The following DENND3 variants were observed in gnomAD, a reference collection of about 807,000 sequenced individuals.
The protein encoded by DENND3 is DENN domain containing 3.
Under a neutral mutation model 135.1 loss-of-function variants are expected in DENND3, and 88 were observed. The ratio of observed to expected loss-of-function variants is 0.65; its 90% CI spans 0.55 to 0.78. DENND3 has a LOEUF of 0.78. Ranked by LOEUF, DENND3 falls within the 30% of genes least tolerant of loss-of-function variation. The pLI is 0.00. For missense variants in DENND3, 1,392 were observed against 1,688.4 expected, an observed-to-expected ratio of 0.82 and a Z score of 3.08; for synonymous variants, 693 against 712.3, an observed-to-expected ratio of 0.97 and a Z score of 0.43.
intron 1 of DENND3, among the ~76,000 whole-genome samples, chr8:141,136,135 T>C (rs1006151057): frequency 2.6e-4 from 39 of 152,182 alleles, no homozygotes; most frequent in Non-Finnish European, 2.9e-5. Context: ...TACTCGCCGC[T>C]TAAAGGGAAG....
intron 1 of DENND3, among the ~76,000 whole-genome samples, chr8:141,131,423 G>A (rs920195164): frequency 9.2e-5 from 14 of 152,156 alleles, no homozygotes; most frequent in Admixed American, 2.0e-4. Context: ...GGTGGACATC[G>A]TCCTGACTTT....
chr8:141,150,620 G>T (rs1159805184), intron 5 of DENND3, among the ~76,000 whole-genome samples: 1 of 152,190 alleles, frequency 6.6e-6, no homozygotes, highest in Non-Finnish European at 1.5e-5. Context: ...CTTAGAAAAA[G>T]ACATTAAGTA....
chr8:141,185,573 T>C (rs772574529), intron 18 of DENND3: 13 of 261,420 alleles, frequency 5.0e-5, no homozygotes, highest in Non-Finnish European at 9.8e-5. Flanking sequence ...ACCTCTAATC[T>C]CAGCACTTTG....
At chr8:141,179,146 C>T (rs979463366) in intron 16 of DENND3, among the ~76,000 whole-genome samples, 6 of 152,248 alleles carry the variant, frequency 3.9e-5, no homozygotes, top group Non-Finnish European at 8.8e-5. Context: ...ACCTCTGCCA[C>T]TTTCTGGGTA....
chr8:141,138,082 A>T lies in DENND3; in HGVS notation c.446A>T (p.Asp149Val). The T allele has an allele frequency of 6.2e-7, 1 of 1,610,480 alleles. No homozygotes were observed. Among genetic ancestry groups the T allele is most frequent in the Non-Finnish European group, 8.5e-7 (1 of 1,178,290 alleles). Residue 149 changes from aspartate to valine, a missense_variant, in exon 3 of 23, where the codon GAT becomes GTT. By Grantham distance (152) the Asp-to-Val change is radical. Coordinates refer to ENST00000519811, the MANE Select transcript of DENND3 (RefSeq NM_001352890.3). This position sits in a 1 kb window ranked among gnomAD's most constrained non-coding sequence, Gnocchi z 4.8. ...TGCGTCCACTTCCTGGTGCTGACCG[A>T]TGTCTGCGGGAATAGGACCTATGGC... ...EDCVHFLVLT[D>V]VCGNRTYGVV...
At position 141,182,138 on chromosome 8, in the gene DENND3, G is replaced by A. The variant is rs745624876; in HGVS notation, c.2944+1284G>A. On this transcript the variant is annotated intron_variant, in intron 17 of 22. Transcript: ENST00000519811. The surrounding 1 kb of genome is among the most constrained non-coding windows in gnomAD (Gnocchi z 5.9). Reference sequence around the variant, plus strand: ...TTGTCACTTTGTTTGTTGCATCTGCGTCTGCAGGTGTCAGCCGTAGGTGTC... The same window carrying A: ...TTGTCACTTTGTTTGTTGCATCTGCATCTGCAGGTGTCAGCCGTAGGTGTC... Among the ~76,000 whole-genome samples the A allele has an allele frequency of 7.2e-5, 11 of 152,148 alleles. No individual in the cohort carries two copies. Among genetic ancestry groups the A allele is most frequent in the Non-Finnish European group, 1.0e-4 (7 of 68,016 alleles).
intron 5 of DENND3, 129 bp from the exon 6 acceptor site, chr8:141,150,704 CG>C (rs779921268): frequency 1.2e-5 from 14 of 1,191,624 alleles, no homozygotes; most frequent in Non-Finnish European, 1.6e-5. Context: ...CAGAATTTAA[CG>C]TGGCAGCCTG....
rs1401362736 is a variant in DENND3 at position 141,141,416 on chromosome 8, G to C, written c.623+92G>C. The C allele has an allele frequency of 6.8e-7, 1 of 1,469,424 alleles. No individual in the cohort carries two copies. The highest frequency in any genetic ancestry group is 9.3e-7 in the Non-Finnish European group (1 of 1,078,180). The allele number at this position is 1,469,424 out of a possible 1,614,324, so 91.0% of individuals were successfully genotyped here. A position where few individuals can be genotyped will look rare whatever the true frequency, so the allele number is the denominator to read the frequency against. Reference sequence around the variant, plus strand: ...AGGGACCAGGGGGCTGGAGGTGGTGGGGGGGCAGCTCTCTGTTCCTCTCCT... The same window carrying C: ...AGGGACCAGGGGGCTGGAGGTGGTGCGGGGGCAGCTCTCTGTTCCTCTCCT... On this transcript the variant is annotated intron_variant, in intron 4 of 22. Coordinates refer to ENST00000519811, the MANE Select transcript of DENND3 (RefSeq NM_001352890.3). This position sits in a 1 kb window ranked among gnomAD's most constrained non-coding sequence, Gnocchi z 5.3.
In DENND3 at chr8:141,168,140, C is replaced by T. The variant is rs373739768; in HGVS notation, c.1890C>T (p.Pro630=). The T allele has an allele frequency of 2.0e-4, 329 of 1,614,198 alleles. 3 individuals are homozygous for T. In the Middle Eastern group the frequency reaches 7.4e-3, roughly 36 times the overall value. ...MLSEAMCFLA[P]DNSLLLARYL... is the part of the protein sequence containing the mutation. The stretch of plus-strand genomic sequence containing the variant: ...GCGAGGCCATGTGCTTTCTGGCCCC[C>T]GATAACTCTCTGCTCCTGGCCCGCT... The change falls in exon 13 of 23, where the codon CCC becomes CCT. Residue 630 remains proline, a synonymous_variant. Transcript: ENST00000519811. This position sits in a 1 kb window ranked among gnomAD's most constrained non-coding sequence, Gnocchi z 6.2.
Position 141,182,342 on chromosome 8 carries a change from A to T in DENND3, c.2944+1488A>T. On this transcript the variant is annotated intron_variant, in intron 17 of 22. Transcript: ENST00000519811. This position sits in a 1 kb window ranked among gnomAD's most constrained non-coding sequence, Gnocchi z 5.9. ...GCAGGCCAAGAAACCCAGGAACGCG[A>T]TAGACCCTGGCTGAGTGAGCAGGCA... The T allele has an allele frequency of 1.0e-6, 1 of 985,424 alleles. No homozygotes were observed. The allele number at this position is 985,424 out of a possible 1,614,324, so 61.0% of individuals were successfully genotyped here. A position where few individuals can be genotyped will look rare whatever the true frequency, so the allele number is the denominator to read the frequency against.
At position 141,141,065 on chromosome 8, in the gene DENND3, G is replaced by T. The variant is rs1042613652; in HGVS notation, c.502-138G>T. 1 of 1,350,894 alleles carries T rather than the reference G, an allele frequency of 7.4e-7. No individual in the cohort carries two copies. The highest frequency in any genetic ancestry group is 2.3e-5 in the East Asian group (1 of 43,346). The allele number at this position is 1,350,894 out of a possible 1,614,324, so 83.7% of individuals were successfully genotyped here. ...CCCGTAGACTTCGACCGGAGGGCCGGTGCTGGCTTGGACGCGTTGCAGGGG... is the reference window on the plus strand; with the variant it reads ...CCCGTAGACTTCGACCGGAGGGCCGTTGCTGGCTTGGACGCGTTGCAGGGG... On this transcript the variant is annotated intron_variant, in intron 3 of 22. Coordinates refer to ENST00000519811, the MANE Select transcript of DENND3 (RefSeq NM_001352890.3). The surrounding 1 kb of genome is among the most constrained non-coding windows in gnomAD (Gnocchi z 5.3).
chr8:141,158,680 C>T (rs552114500), intron 8 of DENND3, among the ~76,000 whole-genome samples: 3 of 152,326 alleles, frequency 2.0e-5, no homozygotes, highest in South Asian at 4.1e-4. Context: ...TGCACGTGAG[C>T]GTGTGGCTGG....
At chr8:141,160,551 T>C in intron 8 of DENND3, 81 bp from the exon 9 acceptor site, 1 of 1,427,924 alleles carries the variant, frequency 7.0e-7, no homozygotes, top group South Asian at 1.6e-5. Context: ...AAGTGTTCAT[T>C]TACCTGGTGG....
At chr8:141,172,846 G>A (rs923593023) in intron 13 of DENND3, among the ~76,000 whole-genome samples, 1 of 152,034 alleles carries the variant, frequency 6.6e-6, no homozygotes, top group Non-Finnish European at 1.5e-5. Context: ...AGGAATTCGA[G>A]GCTGCAGTGA....
At chr8:141,173,335 G>C (rs1472195154) in intron 13 of DENND3, among the ~76,000 whole-genome samples, 1 of 152,138 alleles carries the variant, frequency 6.6e-6, no homozygotes, top group Non-Finnish European at 1.5e-5. Context: ...AGAAAATACC[G>C]ACGGGCCAAA....
At chr8:141,192,701 A>G (rs781184440) in intron 22 of DENND3, 38 bp downstream of exon 22, 1 of 1,606,448 alleles carries the variant, frequency 6.2e-7, no homozygotes, top group Non-Finnish European at 8.5e-7. Flanking sequence ...CATCCCCGGC[A>G]GGTCTCGCTT....
At position 141,174,706 on chromosome 8, in the gene DENND3, G is replaced by A. The variant is rs954498693; in HGVS notation, c.2276-494G>A. Among the ~76,000 whole-genome samples, 2 of 150,934 alleles carry A rather than the reference G, an allele frequency of 1.3e-5. No individual in the cohort carries two copies. Among genetic ancestry groups the A allele is most frequent in the Non-Finnish European group, 3.0e-5 (2 of 67,624 alleles). On this transcript the variant is annotated intron_variant, in intron 13 of 22. Coordinates refer to ENST00000519811, the MANE Select transcript of DENND3 (RefSeq NM_001352890.3). This position sits in a 1 kb window ranked among gnomAD's most constrained non-coding sequence, Gnocchi z 4.6. Reference sequence around the variant, plus strand: ...TTTGCTGGTAACCAAAGAGTGTGGAGGTCGGGCCAGTTACAGGAGAGGCCG... The same window carrying A: ...TTTGCTGGTAACCAAAGAGTGTGGAAGTCGGGCCAGTTACAGGAGAGGCCG...
intron 13 of DENND3, among the ~76,000 whole-genome samples, chr8:141,173,183 C>T (rs529166599): frequency 6.6e-6 from 1 of 152,378 alleles, no homozygotes; most frequent in South Asian, 2.1e-4. Context: ...ACAGGGGCTG[C>T]AGAGACCTGG....
intron 8 of DENND3, chr8:141,157,618 C>T (rs1819605104): frequency 2.0e-6 from 2 of 985,832 alleles, no homozygotes; most frequent in Non-Finnish European, 2.4e-6. Flanking sequence ...CTTCCTTTGT[C>T]TGCATTGGGA....
Sources: allele counts gnomAD v4.1 joint callset (sites outside exome capture counted in the v4.1 genomes callset), GRCh38; gene constraint gnomAD v4.1.1; non-coding constraint Gnocchi (gnomAD v3.1); transcripts MANE v1.5; gene names NCBI Gene and HGNC (gene_info 2026-07-23, HGNC 2026-07-21).